The following FSIP2 variants were observed in gnomAD, a reference collection of about 807,000 sequenced individuals.
FSIP2 encodes fibrous sheath interacting protein 2.
Under a neutral mutation model 510.5 loss-of-function variants are expected in FSIP2, and 367 were observed. The observed-to-expected ratio is 0.72, with a 90% confidence interval of 0.66 to 0.78. The LOEUF (loss-of-function observed/expected upper bound fraction) is 0.78, where lower values mean the gene tolerates loss of function less well. Ranked by LOEUF, FSIP2 falls within the 30% of genes least tolerant of loss-of-function variation. The probability of loss-of-function intolerance (pLI) is 0.00; values close to 1 mark genes in which losing one functional copy is unlikely to be tolerated. For missense variants in FSIP2, 7,594 were observed against 7,901.7 expected, an observed-to-expected ratio of 0.96 and a Z score of 1.48; for synonymous variants, 2,601 against 2,732.2, an observed-to-expected ratio of 0.95 and a Z score of 1.50.
intron 14 of FSIP2, 136 bp from the exon 15 acceptor site, chr2:185,786,116 G>C (rs986678514): frequency 3.1e-5 from 19 of 611,342 alleles, no homozygotes; most frequent in Non-Finnish European, 4.8e-5. Context: ...GGAAAAAACA[G>C]TGTATTCTTC....
intron 20 of FSIP2, 113 bp from the exon 21 acceptor site, chr2:185,828,043 C>T: frequency 1.5e-6 from 1 of 658,608 alleles, no homozygotes; most frequent in Admixed American, 2.7e-5. Flanking sequence ...CTTCGACCTG[C>T]CTAAACTATA....
intron 2 of FSIP2, 41 bp downstream of exon 2, chr2:185,739,512 C>T (rs1444673650): frequency 1.4e-6 from 2 of 1,421,876 alleles, no homozygotes; most frequent in African/African-American, 1.5e-5. Flanking sequence ...TTACCCTTTA[C>T]TACTTGCTGT....
At chr2:185,767,138 A>T (rs1386652370) in intron 13 of FSIP2, among the ~76,000 whole-genome samples, 1 of 145,246 alleles carries the variant, frequency 6.9e-6, no homozygotes, top group Non-Finnish European at 1.5e-5. Context: ...TGGACACAGG[A>T]AGGGGAATAT....
chr2:185,804,121 T>C lies in FSIP2; in HGVS notation c.14815T>C (p.Leu4939=), dbSNP rs1342148682. ...LKAIDPKQRE[L]SFIVNSSVFL... ...AGCAATAGATCCTAAACAAAGAGAATTATCTTTTATTGTGAACTCATCTGT... is the reference window on the plus strand; with the variant it reads ...AGCAATAGATCCTAAACAAAGAGAACTATCTTTTATTGTGAACTCATCTGT... Residue 4939 remains leucine, a synonymous_variant, in exon 17 of 23, where the codon TTA becomes CTA. Coordinates refer to ENST00000424728, the MANE Select transcript of FSIP2 (RefSeq NM_173651.4). 2.6e-6 allele frequency: 4 copies of C among 1,523,040 alleles called. No homozygotes were observed. The highest frequency in any genetic ancestry group is 2.6e-6 in the Non-Finnish European group (3 of 1,141,818). The allele number at this position is 1,523,040 out of a possible 1,614,324, so 94.3% of individuals were successfully genotyped here.
intron 17 of FSIP2, among the ~76,000 whole-genome samples, chr2:185,812,619 T>C (rs1405593710): frequency 6.6e-6 from 1 of 152,070 alleles, no homozygotes; most frequent in Non-Finnish European, 1.5e-5. Context: ...TAAGGTACCA[T>C]AGATTCTTAA....
At chr2:185,761,137 T>C in intron 10 of FSIP2, 34 bp downstream of exon 10, 1 of 837,540 alleles carries the variant, frequency 1.2e-6, no homozygotes, top group Non-Finnish European at 1.8e-6. Flanking sequence ...TTGTGTTGTA[T>C]TTATTAATTT....
intron 13 of FSIP2, among the ~76,000 whole-genome samples, chr2:185,768,173 C>T (rs1446956264): frequency 1.3e-5 from 2 of 151,898 alleles, no homozygotes; most frequent in African/African-American, 4.8e-5. Context: ...GATAATAACA[C>T]CTTATCAGAT....
rs1693231152 is a variant in FSIP2, at chr2:185,794,880, T to C, written c.7744T>C (p.Leu2582=). ...CAATGATTCCTTACTAATGAAACCA[T>C]TAAGGTTTAGAGAAACTAAACAAGC... is the stretch of plus-strand genomic sequence containing the variant. ...DHNDSLLMKP[L]RFRETKQAGK... is the part of the protein sequence containing the mutation. The change falls in exon 16 of 23, where the codon TTA becomes CTA. Residue 2582 remains leucine, a synonymous_variant. Coordinates refer to ENST00000424728, the MANE Select transcript of FSIP2 (RefSeq NM_173651.4). 1.3e-6 allele frequency: 2 copies of C among 1,533,992 alleles called. No individual in the cohort carries two copies. The highest frequency in any genetic ancestry group is 2.4e-5 in the East Asian group (1 of 40,842).
chr2:185,815,426 T>C lies in FSIP2; in HGVS notation c.20381T>C (p.Met6794Thr). ...EPTHYFIHRI[M>T]SSSSYNQEDL... Reference sequence around the variant, plus strand: ...ACACATTACTTCATACACAGAATTATGAGTTCATCTTCATACAACCAAGAA... The same window carrying C: ...ACACATTACTTCATACACAGAATTACGAGTTCATCTTCATACAACCAAGAA... Residue 6794 changes from methionine (M) to threonine (T), a missense_variant, in exon 19 of 23, where the codon ATG (methionine) becomes ACG (threonine). Met to Thr is a moderately conservative substitution (Grantham distance 81). Coordinates refer to ENST00000424728, the MANE Select transcript of FSIP2 (RefSeq NM_173651.4). 1 of 1,535,358 alleles carries C rather than the reference T, an allele frequency of 6.5e-7. No individual in the cohort carries two copies. The highest frequency in any genetic ancestry group is 8.9e-7 in the Non-Finnish European group (1 of 1,122,286).
Position 185,795,647 on chromosome 2 carries a change from T to TA in FSIP2, c.8517dup (p.Leu2840IlefsTer3). 1 of 1,534,386 alleles carries TA rather than the reference T, an allele frequency of 6.5e-7. No homozygotes were observed. Among genetic ancestry groups the TA allele is most frequent in the South Asian group, 1.2e-5 (1 of 83,892 alleles). ...ACATTTTTCCTAGAGAAGGTATATT[T>TA]AAAAAATTGTTTGACAAGTGGCAAA... On this transcript the variant is annotated frameshift_variant, in exon 16 of 23. Transcript: ENST00000424728. LOFTEE classifies it high-confidence loss of function.
At chr2:185,745,680 C>A in intron 5 of FSIP2, 112 bp downstream of exon 5, 1 of 922,612 alleles carries the variant, frequency 1.1e-6, no homozygotes, top group Non-Finnish European at 1.5e-6. Context: ...TCTCCTGGAT[C>A]CCTCAGAGTG....
intron 9 of FSIP2, among the ~76,000 whole-genome samples, chr2:185,759,643 A>G (rs1422981380): frequency 6.8e-6 from 1 of 145,996 alleles, no homozygotes; most frequent in Non-Finnish European, 1.5e-5. Flanking sequence ...TAATATTGTT[A>G]TATATTATAT....
rs1259221037 is a variant in FSIP2, at chr2:185,815,387, T to C, written c.20342T>C (p.Leu6781Pro). ...CTTTTCCAGAAAGAAGAAAAGAATC[T>C]TGTTACTGAACCAACACATTACTTC... ...KPQCKKEEKN[L>P]VTEPTHYFIH... The change falls in exon 19 of 23, where the codon CTT becomes CCT. Residue 6781 changes from leucine (L) to proline (P), a missense_variant. Transcript: ENST00000424728. 1 of 1,479,836 alleles carries C rather than the reference T, an allele frequency of 6.8e-7. No individual in the cohort carries two copies. Among genetic ancestry groups the C allele is most frequent in the Non-Finnish European group, 9.3e-7 (1 of 1,072,190 alleles). 91.7% of individuals were successfully genotyped at this position (1,479,836 alleles called of 1,614,324 possible). A position where few individuals can be genotyped will look rare whatever the true frequency, so the allele number is the denominator to read the frequency against.
chr2:185,747,668 T>C (rs957058522), intron 7 of FSIP2, among the ~76,000 whole-genome samples: 35 of 152,214 alleles, frequency 2.3e-4, no homozygotes, highest in African/African-American at 7.7e-4. Context: ...TTGTAATTAC[T>C]ATGAAAAAAT....
At position 185,749,953 on chromosome 2, in the gene FSIP2, AG is replaced by A. The variant is rs547813585; in HGVS notation, c.870+2531del. 1.4e-4 allele frequency among the ~76,000 whole-genome samples: 22 copies of A among 151,930 alleles called. No homozygotes were observed. The South Asian group carries it at 4.6e-3, about 31-fold the overall frequency. The stretch of plus-strand genomic sequence containing the variant: ...GGTTTTCCTTTGTGGTTCATTGCTT[AG>A]TAGATAACATAAATTGATTTTTGAA... On this transcript the variant is annotated intron_variant, in intron 7 of 22. Coordinates refer to ENST00000424728, the MANE Select transcript of FSIP2 (RefSeq NM_173651.4).
At chr2:185,786,207 T>C in intron 14 of FSIP2, 45 bp from the exon 15 acceptor site, 1 of 1,297,830 alleles carries the variant, frequency 7.7e-7, no homozygotes, top group Non-Finnish European at 1.0e-6. Context: ...GTTTTATAAA[T>C]TTTTGACTCT....
At chr2:185,825,442 G>A (rs1277095643) in intron 20 of FSIP2, among the ~76,000 whole-genome samples, 1 of 151,678 alleles carries the variant, frequency 6.6e-6, no homozygotes, top group Non-Finnish European at 1.5e-5. Flanking sequence ...AAGGGAGGAG[G>A]GAGGTGAGCA....
At position 185,806,549 on chromosome 2, in the gene FSIP2, A is replaced by G; in HGVS notation, c.17243A>G (p.Glu5748Gly). 6.2e-7 allele frequency: 1 copy of G among 1,600,932 alleles called. No individual in the cohort carries two copies. The highest frequency in any genetic ancestry group is 8.5e-7 in the Non-Finnish European group (1 of 1,176,158). Residue 5748 changes from glutamate to glycine, a missense_variant, in exon 17 of 23, where the codon GAA (glutamate) becomes GGA (glycine). Coordinates refer to ENST00000424728, the MANE Select transcript of FSIP2 (RefSeq NM_173651.4). ...AAAAATATCTCTGCCAAAGAAAAAG[A>G]AGAGGAAGAGAGAGAAAAAGAGAAA... ...TNKNISAKEK[E>G]EEEREKEKVR...
At chr2:185,783,432 A>T (rs950289775) in intron 14 of FSIP2, among the ~76,000 whole-genome samples, 11 of 152,194 alleles carry the variant, frequency 7.2e-5, no homozygotes, top group Admixed American at 1.3e-4. Flanking sequence ...AAAAATGAAC[A>T]AGCCAAATGA....
Sources: gnomAD v4.1 joint callset for allele counts (sites outside exome capture counted in the v4.1 genomes callset) on GRCh38, gnomAD v4.1.1 for gene constraint, MANE v1.5 for transcripts, NCBI Gene and HGNC (gene_info 2026-07-23, HGNC 2026-07-21) for gene names.